The following MTMR2 variants were observed in gnomAD, a reference collection of about 807,000 sequenced individuals.
MTMR2 encodes myotubularin related protein 2.
A neutral mutation model predicts 86.9 loss-of-function variants in MTMR2; 55 were observed. That is an observed-to-expected ratio of 0.63 (90% CI 0.51 to 0.79). The LOEUF (loss-of-function observed/expected upper bound fraction) is 0.79, where lower values mean the gene tolerates loss of function less well. Ranked by LOEUF, MTMR2 falls within the 30% of genes least tolerant of loss-of-function variation. The pLI, the probability that MTMR2 is intolerant of heterozygous loss-of-function variation, is 0.00. For missense variants in MTMR2, 659 were observed against 772.3 expected (o/e 0.85, Z 1.74); for synonymous variants, 241 against 266.8 (o/e 0.90, Z 0.94).
chr11:95,872,710 T>C (rs1166609398), intron 2 of MTMR2, among the ~76,000 whole-genome samples: 1 of 152,220 alleles, frequency 6.6e-6, no homozygotes, highest in Non-Finnish European at 1.5e-5. Flanking sequence ...AAGGGAATGC[T>C]TCCAGTTTTT....
chr11:95,849,523 AACTC>A (rs1400492437), intron 9 of MTMR2, 147 bp downstream of exon 9: 1 of 723,582 alleles, frequency 1.4e-6, no homozygotes, highest in African/African-American at 1.8e-5. Flanking sequence ...TTAAATAACT[AACTC>A]AAAATCACAC....
At chr11:95,874,704 A>ATTT (rs1436804029) in intron 2 of MTMR2, among the ~76,000 whole-genome samples, 1 of 152,036 alleles carries the variant, frequency 6.6e-6, no homozygotes, top group Non-Finnish European at 1.5e-5. Context: ...GGTCTTTACA[A>ATTT]TTTGGCATGT....
At chr11:95,918,905 C>A (rs1478746121) in intron 1 of MTMR2, among the ~76,000 whole-genome samples, 1 of 152,204 alleles carries the variant, frequency 6.6e-6, no homozygotes, top group Non-Finnish European at 1.5e-5. Flanking sequence ...GGCACTATCA[C>A]AACCCACTGC....
intron 11 of MTMR2, 124 bp downstream of exon 11, chr11:95,844,829 A>T (rs1048063121): frequency 1.1e-6 from 1 of 899,864 alleles, no homozygotes; most frequent in Non-Finnish European, 1.8e-6. Flanking sequence ...AACAAGCAAA[A>T]ACGTTTACCC....
chr11:95,914,233 T>C (rs1330544755), intron 1 of MTMR2: 7 of 960,070 alleles, frequency 7.3e-6, no homozygotes, highest in Non-Finnish European at 8.7e-6. Context: ...CATTTTCCCA[T>C]TCACTTACAT....
At chr11:95,870,569 C>T (rs932403288) in intron 2 of MTMR2, among the ~76,000 whole-genome samples, 1 of 151,926 alleles carries the variant, frequency 6.6e-6, no homozygotes, top group African/African-American at 2.4e-5. Flanking sequence ...ATGAATAATA[C>T]TTGATGATTT....
At chr11:95,902,319 G>A (rs1866103917) in intron 1 of MTMR2, among the ~76,000 whole-genome samples, 2 of 152,168 alleles carry the variant, frequency 1.3e-5, no homozygotes, top group African/African-American at 4.8e-5. Flanking sequence ...CATGTGCTCT[G>A]AGGAAGTAAG....
chr11:95,860,895 C>T (rs952521037), intron 5 of MTMR2, among the ~76,000 whole-genome samples: 5 of 152,074 alleles, frequency 3.3e-5, no homozygotes, highest in African/African-American at 7.2e-5. Flanking sequence ...CGGTGGCTCA[C>T]GCCTGTAATC....
chr11:95,869,275 G>T (rs868833934), intron 2 of MTMR2, among the ~76,000 whole-genome samples: 17 of 151,000 alleles, frequency 1.1e-4, no homozygotes, highest in South Asian at 2.1e-4. Flanking sequence ...ACTTACAGTG[G>T]TTCAACTTAT....
Position 95,865,547 on chromosome 11 carries a change from C to A in MTMR2, c.262+54G>T, listed in dbSNP as rs1864581011. The A allele has an allele frequency of 4.0e-6, 6 of 1,494,610 alleles. 1 individual carries two copies. In the South Asian group the frequency reaches 6.8e-5, roughly 17 times the overall value. 92.6% of individuals were successfully genotyped at this position (1,494,610 alleles called of 1,614,324 possible). ...TTCTCTGTATGCTGAGAGTACTGAA[C>A]ATTCTGCACAGTAGAACGGAGAAGG... On this transcript the variant is annotated intron_variant, in intron 3 of 14. Coordinates refer to ENST00000346299, the MANE Select transcript of MTMR2 (RefSeq NM_016156.6).
intron 2 of MTMR2, among the ~76,000 whole-genome samples, chr11:95,877,509 G>A (rs1865167659): frequency 6.6e-6 from 1 of 152,008 alleles, no homozygotes; most frequent in Admixed American, 6.6e-5. Context: ...ATCACTTCAT[G>A]CTATGGGTTG....
rs59229676 is a variant in MTMR2, at chr11:95,865,402, AG to A, written c.262+198del. 2.3e-3 allele frequency: 1,383 copies of A among 591,554 alleles called. 20 individuals are homozygous for A. The highest frequency in any genetic ancestry group is 0.023 in the African/African-American group (1,228 of 53,964). 36.6% of individuals were successfully genotyped at this position (591,554 alleles called of 1,614,324 possible). A position where few individuals can be genotyped will look rare whatever the true frequency, so the allele number is the denominator to read the frequency against. Reference sequence around the variant, plus strand: ...TAATTCAATTTGCATGTTTCCCAGGAGTTCAAACACAAACACTAGCAGCGGG... The same window carrying A: ...TAATTCAATTTGCATGTTTCCCAGGATTCAAACACAAACACTAGCAGCGGG... On this transcript the variant is annotated intron_variant, in intron 3 of 14. Transcript: ENST00000346299.
chr11:95,869,605 C>G (rs1301239149), intron 2 of MTMR2, among the ~76,000 whole-genome samples: 1 of 152,180 alleles, frequency 6.6e-6, no homozygotes, highest in Admixed American at 6.5e-5. Context: ...GTAAGGAAAG[C>G]AGCAAATCTT....
chr11:95,908,941 A>C (rs959785721), intron 1 of MTMR2, among the ~76,000 whole-genome samples: 3 of 152,184 alleles, frequency 2.0e-5, no homozygotes, highest in Non-Finnish European at 4.4e-5. Flanking sequence ...TTATAGCAAC[A>C]GAATAATATA....
chr11:95,838,265 C>G (rs1386766997), intron 12 of MTMR2, 58 bp from the exon 13 acceptor site: 1 of 914,014 alleles, frequency 1.1e-6, no homozygotes, highest in African/African-American at 1.6e-5. Flanking sequence ...ATATTCATCC[C>G]TGTCATGGGT....
intron 2 of MTMR2, among the ~76,000 whole-genome samples, chr11:95,884,102 A>T (rs1472206373): frequency 2.6e-5 from 4 of 152,220 alleles, no homozygotes; most frequent in Admixed American, 6.5e-5. Context: ...ACCCTTCATC[A>T]CACACATAAG....
chr11:95,846,909 G>A (rs933789304), intron 10 of MTMR2, among the ~76,000 whole-genome samples: 3 of 152,058 alleles, frequency 2.0e-5, no homozygotes, highest in Non-Finnish European at 4.4e-5. Flanking sequence ...ATTCAGTTTG[G>A]TTTTCTCTTC....
At chr11:95,909,283 T>A (rs1248667882) in intron 1 of MTMR2, among the ~76,000 whole-genome samples, 1 of 152,162 alleles carries the variant, frequency 6.6e-6, no homozygotes, top group Non-Finnish European at 1.5e-5. Flanking sequence ...GACAAAGCAC[T>A]CTTCACTTAT....
chr11:95,850,492 C>G, intron 8 of MTMR2, 108 bp downstream of exon 8: 5 of 1,139,868 alleles, frequency 4.4e-6, no homozygotes, highest in Non-Finnish European at 6.6e-6. Flanking sequence ...CATGAAAGAC[C>G]TGCTGCTGTA....
Sources: gnomAD v4.1 joint callset for allele counts (sites outside exome capture counted in the v4.1 genomes callset) on GRCh38, gnomAD v4.1.1 for gene constraint, MANE v1.5 for transcripts, NCBI Gene and HGNC (gene_info 2026-07-23, HGNC 2026-07-21) for gene names.